Variants in MOXD1 observed in about 807,000 individuals in gnomAD.
MOXD1 encodes the protein DBH-like monooxygenase protein 1.
MOXD1 carries 62 observed loss-of-function variants against 66.6 expected under a neutral mutation model. The ratio of observed to expected loss-of-function variants is 0.93; its 90% confidence interval spans 0.76 to 1.15. MOXD1 has a LOEUF of 1.15. Among genes scored for constraint, MOXD1 ranks in the 50% most tolerant of loss-of-function variants. The pLI, the probability that MOXD1 is intolerant of heterozygous loss-of-function variation, is 0.00. For missense variants in MOXD1, 847 were observed against 754.6 expected (o/e 1.12, Z -1.44); for synonymous variants, 303 against 281.9 (o/e 1.07, Z -0.75).
chr6:132,393,151 A>T (rs1184354082), intron 1 of MOXD1, among the ~76,000 whole-genome samples: 5 of 150,650 alleles, frequency 3.3e-5, no homozygotes, highest in African/African-American at 1.2e-4. Context: ...GAGTGGAGTG[A>T]GTGTGTGTGT....
intron 1 of MOXD1, among the ~76,000 whole-genome samples, chr6:132,389,031 C>T (rs1776704366): frequency 6.6e-6 from 1 of 151,004 alleles, no homozygotes; most frequent in Admixed American, 6.6e-5. Flanking sequence ...TGTGTCAGTC[C>T]ATAAATTATT....
chr6:132,397,141 C>T (rs1776900824), intron 1 of MOXD1, among the ~76,000 whole-genome samples: 1 of 152,224 alleles, frequency 6.6e-6, no homozygotes, highest in African/African-American at 2.4e-5. Context: ...CAGCACCAGG[C>T]AAGGTCCCTG....
intron 4 of MOXD1, among the ~76,000 whole-genome samples, chr6:132,347,655 C>A (rs879318234): frequency 1.4e-5 from 2 of 147,352 alleles, no homozygotes; most frequent in African/African-American, 5.1e-5. Flanking sequence ...CCAGCCTGTG[C>A]GACAGAGTGT....
At chr6:132,319,339 TG>T (rs1312884309) in intron 9 of MOXD1, among the ~76,000 whole-genome samples, 1 of 152,026 alleles carries the variant, frequency 6.6e-6, no homozygotes, top group East Asian at 1.9e-4. Context: ...TGAGCCAATA[TG>T]AATAGAAGTA....
At chr6:132,308,509 A>T (rs1036468724) in intron 10 of MOXD1, among the ~76,000 whole-genome samples, 3 of 152,230 alleles carry the variant, frequency 2.0e-5, no homozygotes, top group African/African-American at 7.2e-5. Context: ...ACTCCTCCCT[A>T]ACTCATTTTA....
intron 1 of MOXD1, among the ~76,000 whole-genome samples, chr6:132,386,173 C>A (rs796701062): frequency 2.1e-5 from 3 of 143,922 alleles, no homozygotes; most frequent in African/African-American, 7.8e-5. Flanking sequence ...GAGGCCGAGG[C>A]GGGCGGATCA....
chr6:132,401,203 A>G lies in MOXD1; in HGVS notation c.224T>C (p.Ile75Thr). Reference sequence around the variant, plus strand: ...CCCGTGGGCCACCCCGCCCACGACGATGTCGGCGGACGCCATGGCCCCGGT... The same window carrying G: ...CCCGTGGGCCACCCCGCCCACGACGGTGTCGGCGGACGCCATGGCCCCGGT... Reference protein sequence around the residue: ...SPTGAMASADIVVGGVAHGRP... With the variant: ...SPTGAMASADTVVGGVAHGRP... The change falls in exon 1 of 12, where the codon ATC becomes ACC. Residue 75 changes from isoleucine (I) to threonine (T), a missense_variant. Coordinates refer to ENST00000367963, the MANE Select transcript of MOXD1 (RefSeq NM_015529.4). 6.4e-7 allele frequency: 1 copy of G among 1,556,506 alleles called. No individual in the cohort carries two copies. The highest frequency in any genetic ancestry group is 8.6e-7 in the Non-Finnish European group (1 of 1,159,472).
chr6:132,297,718 T>G, intron 11 of MOXD1, 69 bp downstream of exon 11: 1 of 1,491,572 alleles, frequency 6.7e-7, no homozygotes. Flanking sequence ...TGTCTTCTCC[T>G]TAGGTTTTCC....
At chr6:132,307,528 G>A (rs575516957) in intron 10 of MOXD1, among the ~76,000 whole-genome samples, 127 of 152,274 alleles carry the variant, frequency 8.3e-4, no homozygotes, top group African/African-American at 2.9e-3. Context: ...CCTAGTAGAC[G>A]TCTACCGAAC....
intron 10 of MOXD1, among the ~76,000 whole-genome samples, chr6:132,314,117 C>T (rs1265831897): frequency 6.6e-6 from 1 of 152,130 alleles, no homozygotes; most frequent in African/African-American, 2.4e-5. Context: ...GATACATCAA[C>T]CTTAATATAT....
At chr6:132,326,922 A>G (rs1344389167) in intron 6 of MOXD1, among the ~76,000 whole-genome samples, 2 of 152,206 alleles carry the variant, frequency 1.3e-5, no homozygotes, top group Non-Finnish European at 2.9e-5. Flanking sequence ...TGCTGCAGCC[A>G]GAGTGGTCTT....
intron 4 of MOXD1, among the ~76,000 whole-genome samples, chr6:132,335,667 G>A (rs1662174999): frequency 6.6e-6 from 1 of 152,182 alleles, no homozygotes; most frequent in African/African-American, 2.4e-5. Context: ...CCAGAGCTGT[G>A]AGAGAATAAA....
At chr6:132,382,784 A>G (rs1329034003) in intron 1 of MOXD1, among the ~76,000 whole-genome samples, 1 of 152,220 alleles carries the variant, frequency 6.6e-6, no homozygotes, top group Non-Finnish European at 1.5e-5. Context: ...GACATCTGTT[A>G]TTTAGCATGA....
intron 1 of MOXD1, chr6:132,391,957 C>T (rs1323480604): frequency 8.8e-6 from 4 of 456,090 alleles, no homozygotes; most frequent in Non-Finnish European, 1.6e-5. Context: ...ATGCACAAAG[C>T]ACGACACTTG....
chr6:132,298,057 A>T (rs1774451037), intron 10 of MOXD1, 102 bp from the exon 11 acceptor site: 1 of 956,640 alleles, frequency 1.0e-6, no homozygotes, highest in Non-Finnish European at 1.5e-6. Context: ...ATTCATTTTC[A>T]TACACATAGA....
At chr6:132,305,768 G>A (rs1217849964) in intron 10 of MOXD1, among the ~76,000 whole-genome samples, 1 of 152,036 alleles carries the variant, frequency 6.6e-6, no homozygotes, top group East Asian at 1.9e-4. Flanking sequence ...TACAGAAGAG[G>A]GACCTGACTG....
chr6:132,336,902 A>G (rs1209706169), intron 4 of MOXD1, among the ~76,000 whole-genome samples: 1 of 152,152 alleles, frequency 6.6e-6, no homozygotes, highest in Non-Finnish European at 1.5e-5. Flanking sequence ...TGCCCAGCCT[A>G]TCTTGGAACT....
At position 132,328,457 on chromosome 6, in the gene MOXD1, G is replaced by T; in HGVS notation, c.801C>A (p.Leu267=). 2 of 1,613,564 alleles carry T rather than the reference G, an allele frequency of 1.2e-6. No individual in the cohort carries two copies. The highest frequency in any genetic ancestry group is 1.7e-6 in the Non-Finnish European group (2 of 1,179,488). Residue 267 remains leucine, a synonymous_variant, in exon 5 of 12, where the codon CTC becomes CTA. Coordinates refer to ENST00000367963, the MANE Select transcript of MOXD1 (RefSeq NM_015529.4). ...AGGCAAAAATCACAGTTTCACAGGT[G>T]AGGAATGCATCGGGCATGTTGGGGT... is the stretch of plus-strand genomic sequence containing the variant. ...CYHPNMPDAF[L]TCETVIFAWA... is the part of the protein sequence containing the mutation.
chr6:132,385,741 C>T lies in MOXD1; in HGVS notation c.265-10964G>A, dbSNP rs191343210. 1.5e-3 allele frequency among the ~76,000 whole-genome samples: 230 copies of T among 152,068 alleles called. 4 individuals are homozygous for T. The East Asian group carries it at 0.041, about 27-fold the overall frequency. ...TCCTGACCTCAAGCGATCTGCCTGC[C>T]TTGGCCTCCCAAAGTGCTGGGATTA... is the stretch of plus-strand genomic sequence containing the variant. On this transcript the variant is annotated intron_variant, in intron 1 of 11. Coordinates refer to ENST00000367963, the MANE Select transcript of MOXD1 (RefSeq NM_015529.4).
Sources: allele counts gnomAD v4.1 joint callset (sites outside exome capture counted in the v4.1 genomes callset), GRCh38; gene constraint gnomAD v4.1.1; transcripts MANE v1.5; gene names NCBI Gene and HGNC (gene_info 2026-07-23, HGNC 2026-07-21).